FSTL4: variants seen among roughly 807,000 people sequenced by gnomAD.
The protein encoded by FSTL4 is follistatin like 4.
FSTL4 carries 28 observed loss-of-function variants against 78.2 expected under a neutral mutation model. That is an observed-to-expected ratio of 0.36 (90% CI 0.27 to 0.49). The LOEUF (loss-of-function observed/expected upper bound fraction) is 0.49, where lower values mean the gene tolerates loss of function less well. FSTL4 is among the 20% of genes least tolerant of loss of function. The pLI, the probability that FSTL4 is intolerant of heterozygous loss-of-function variation, is 0.98. For missense variants in FSTL4, 922 were observed against 1,084.9 expected (o/e 0.85, Z 2.11); for synonymous variants, 422 against 440.5 (o/e 0.96, Z 0.53).
chr5:133,245,538 C>T (rs1253753149), intron 7 of FSTL4, among the ~76,000 whole-genome samples: 2 of 152,246 alleles, frequency 1.3e-5, no homozygotes, highest in Admixed American at 6.5e-5. Context: ...ATTCCTGTCT[C>T]CTGAAGCCCC....
chr5:133,327,317 G>A (rs1178450624), intron 4 of FSTL4, among the ~76,000 whole-genome samples: 1 of 152,236 alleles, frequency 6.6e-6, no homozygotes, highest in African/African-American at 2.4e-5. Flanking sequence ...AGGGTAGCAA[G>A]TATGGGGTGA....
chr5:133,836,011 T>C, the FSTL4 span, among the ~76,000 whole-genome samples: 1 of 152,214 alleles, frequency 6.6e-6, no homozygotes, highest in Admixed American at 6.5e-5. Context: ...CTCCGATTAA[T>C]ATTTGCATAG....
At chr5:133,776,853 T>G in the FSTL4 span, among the ~76,000 whole-genome samples, 1 of 152,202 alleles carries the variant, frequency 6.6e-6, no homozygotes, top group Non-Finnish European at 1.5e-5. Context: ...CCATCTATTG[T>G]CAATGATTTC....
the FSTL4 span, chr5:133,720,932 C>T: frequency 6.6e-6 from 1 of 152,192 alleles, no homozygotes; most frequent in Non-Finnish European, 1.5e-5. Context: ...GCTCAAATGC[C>T]ATTATCCATT....
Position 133,374,407 on chromosome 5 carries a change from CT to C in FSTL4, c.409+26330del, listed in dbSNP as rs972146354. On this transcript the variant is annotated intron_variant, in intron 4 of 15. Transcript: ENST00000265342. ...AGAGACAAGCCTGAGTTCACCATCT[CT>C]TCTCTGTGGAATTGAGCTGTGCAGA... Among the ~76,000 whole-genome samples the C allele has an allele frequency of 7.0e-4, 107 of 152,304 alleles. 1 individual carries two copies. The highest frequency in any genetic ancestry group is 2.3e-3 in the African/African-American group (95 of 41,580).
At chr5:133,486,383 G>T (rs1406091472) in intron 3 of FSTL4, among the ~76,000 whole-genome samples, 2 of 149,732 alleles carry the variant, frequency 1.3e-5, no homozygotes, top group African/African-American at 4.9e-5. Flanking sequence ...GGTTGGGGGA[G>T]AGGAAGAAAG....
intron 1 of FSTL4, among the ~76,000 whole-genome samples, chr5:133,609,619 T>C (rs1388549150): frequency 6.6e-6 from 1 of 152,242 alleles, no homozygotes; most frequent in African/African-American, 2.4e-5. Flanking sequence ...CAAGCCCTAA[T>C]GAAGTTAAAT....
At chr5:133,465,951 C>T (rs369460650) in intron 3 of FSTL4, among the ~76,000 whole-genome samples, 2 of 152,214 alleles carry the variant, frequency 1.3e-5, no homozygotes, top group Non-Finnish European at 2.9e-5. Flanking sequence ...TGCCAACAAG[C>T]TTCCAGTGCT....
At chr5:133,367,999 G>A (rs542521934) in intron 4 of FSTL4, among the ~76,000 whole-genome samples, 28 of 152,270 alleles carry the variant, frequency 1.8e-4, no homozygotes, top group Non-Finnish European at 3.5e-4. Flanking sequence ...GGAACCAGGA[G>A]ACCATCTCAT....
chr5:133,739,358 G>T, the FSTL4 span, among the ~76,000 whole-genome samples: 2 of 150,420 alleles, frequency 1.3e-5, no homozygotes, highest in African/African-American at 2.4e-5. Context: ...AAGTGAGCCC[G>T]CCAGGAGGCA....
the FSTL4 span, among the ~76,000 whole-genome samples, chr5:133,649,263 ACTGAAGGACATCTTGGTTGCTTC>A: frequency 6.6e-6 from 1 of 152,212 alleles, no homozygotes. Flanking sequence ...CCATTTGCCT[ACTGAAGGACATCTTGGTTGCTTC>A]CAAGTTTTGC....
intron 4 of FSTL4, among the ~76,000 whole-genome samples, chr5:133,360,950 T>C (rs1755055911): frequency 1.3e-5 from 2 of 152,168 alleles, no homozygotes; most frequent in Non-Finnish European, 2.9e-5. Flanking sequence ...AAAGCAAAAT[T>C]TGGGAAATTA....
chr5:133,230,108 G>A (rs939392304), intron 8 of FSTL4, among the ~76,000 whole-genome samples: 15 of 152,304 alleles, frequency 9.8e-5, no homozygotes, highest in African/African-American at 3.1e-4. Context: ...CCTCTGTATG[G>A]TGGGTGGTAC....
chr5:133,738,526 T>G, the FSTL4 span, among the ~76,000 whole-genome samples: 2 of 152,174 alleles, frequency 1.3e-5, no homozygotes, highest in African/African-American at 4.8e-5. Flanking sequence ...CTCCCCTGCA[T>G]GCACCACCCC....
At chr5:133,655,753 C>T in the FSTL4 span, among the ~76,000 whole-genome samples, 5 of 152,176 alleles carry the variant, frequency 3.3e-5, no homozygotes, top group East Asian at 5.8e-4. Flanking sequence ...AAAGCCAAGA[C>T]TTATTTTAGT....
intron 3 of FSTL4, among the ~76,000 whole-genome samples, chr5:133,474,442 C>T (rs554470014): frequency 1.2e-4 from 19 of 152,170 alleles, no homozygotes; most frequent in Admixed American, 3.9e-4. Flanking sequence ...TCCCTAGCTC[C>T]ATCAGTGCAC....
At chr5:133,541,404 C>T (rs1020840573) in intron 3 of FSTL4, among the ~76,000 whole-genome samples, 2 of 152,116 alleles carry the variant, frequency 1.3e-5, no homozygotes, top group Admixed American at 1.3e-4. Flanking sequence ...GTGGCTTAGG[C>T]TCCAGCATGA....
At chr5:133,636,005 C>T in the FSTL4 span, among the ~76,000 whole-genome samples, 2 of 152,138 alleles carry the variant, frequency 1.3e-5, no homozygotes, top group East Asian at 1.9e-4. Flanking sequence ...ATCACGTGAG[C>T]AGGGACTCTG....
intron 3 of FSTL4, among the ~76,000 whole-genome samples, chr5:133,406,843 A>AAT (rs1399028030): frequency 2.6e-5 from 4 of 152,234 alleles, no homozygotes; most frequent in African/African-American, 9.6e-5. Flanking sequence ...TTGTGGCATG[A>AAT]ATATATGCCC....
Sources: allele counts gnomAD v4.1 joint callset (sites outside exome capture counted in the v4.1 genomes callset), GRCh38; gene constraint gnomAD v4.1.1; transcripts MANE v1.5; gene names NCBI Gene and HGNC (gene_info 2026-07-23, HGNC 2026-07-21).